PDE4B: variants seen among roughly 807,000 people sequenced by gnomAD.
PDE4B encodes the protein phosphodiesterase 4B, also known as 3',5'-cyclic-AMP phosphodiesterase 4B.
In PDE4B, 20 loss-of-function variants were observed where a neutral mutation model predicts 82.2. That is an observed-to-expected ratio of 0.24 (90% CI 0.17 to 0.35). The LOEUF (loss-of-function observed/expected upper bound fraction) is 0.35. Among genes scored for constraint, PDE4B ranks in the 10% least tolerant of loss-of-function variants. PDE4B has a pLI of 1.00. For synonymous variants in PDE4B, 320 were observed against 318.9 expected (o/e 1.00, Z -0.04); for missense variants, 655 against 907.2 (o/e 0.72, Z 3.57).
At chr1:66,199,927 A>G (rs961223208) in intron 3 of PDE4B, among the ~76,000 whole-genome samples, 1 of 152,202 alleles carries the variant, frequency 6.6e-6, no homozygotes, top group Non-Finnish European at 1.5e-5. Context: ...GCCCAGGCCT[A>G]TGTCCTGAAT....
chr1:66,132,947 T>A (rs1197461589), intron 3 of PDE4B, among the ~76,000 whole-genome samples: 3 of 152,218 alleles, frequency 2.0e-5, no homozygotes, highest in Non-Finnish European at 4.4e-5. Context: ...AGCAGTGGCA[T>A]ATCTTAGAAA....
chr1:65,984,910 TTTGA>T (rs1650877041), intron 3 of PDE4B, among the ~76,000 whole-genome samples: 1 of 140,634 alleles, frequency 7.1e-6, no homozygotes, highest in South Asian at 2.4e-4. Flanking sequence ...TTGAAGTAAA[TTTGA>T]TTAACTCTAA....
intron 1 of PDE4B, among the ~76,000 whole-genome samples, chr1:65,841,352 AAG>A (rs1316756564): frequency 6.6e-6 from 1 of 151,030 alleles, no homozygotes; most frequent in Non-Finnish European, 1.5e-5. Flanking sequence ...AAAAGGAAGA[AAG>A]AAAGAGAGAG....
chr1:66,064,797 G>A lies in PDE4B; in HGVS notation c.281+145962G>A, dbSNP rs12040843. Among the ~76,000 whole-genome samples the A allele has an allele frequency of 2.1e-3, 323 of 151,928 alleles. 8 individuals carry two copies. In the East Asian group the frequency reaches 0.045, roughly 21 times the overall value. ...GAGTGCCAACTCTTAACTATTAGTA[G>A]CATTTACTAAAAAATATTCTGAATG... On this transcript the variant is annotated intron_variant, in intron 3 of 16. Transcript: ENST00000341517.
At chr1:65,901,043 G>A (rs941818183) in intron 1 of PDE4B, among the ~76,000 whole-genome samples, 1 of 152,046 alleles carries the variant, frequency 6.6e-6, no homozygotes, top group African/African-American at 2.4e-5. Flanking sequence ...GTTCTTAAGG[G>A]GAGTGCTTCC....
At chr1:66,024,215 GATA>G (rs1324524730) in intron 3 of PDE4B, among the ~76,000 whole-genome samples, 7 of 152,142 alleles carry the variant, frequency 4.6e-5, no homozygotes, top group South Asian at 2.1e-4. Flanking sequence ...GCAAATAATA[GATA>G]AACACTATTT....
intron 3 of PDE4B, among the ~76,000 whole-genome samples, chr1:66,189,866 A>G (rs1432146018): frequency 6.6e-6 from 1 of 151,948 alleles, no homozygotes; most frequent in African/African-American, 2.4e-5. Flanking sequence ...GCTTTGTTCC[A>G]TTGCTGGTGA....
intron 7 of PDE4B, chr1:66,331,899 T>G: frequency 1.0e-5 from 10 of 989,340 alleles, no homozygotes; most frequent in Non-Finnish European, 1.2e-5. Context: ...AGGAATAGCC[T>G]ATGCCTCTTA....
At chr1:66,328,924 C>A (rs1659918101) in intron 7 of PDE4B, among the ~76,000 whole-genome samples, 1 of 152,172 alleles carries the variant, frequency 6.6e-6, no homozygotes, top group African/African-American at 2.4e-5. Flanking sequence ...CCAGCATGTC[C>A]CTGCTAAGAG....
intron 3 of PDE4B, among the ~76,000 whole-genome samples, chr1:66,057,163 G>A (rs1357609060): frequency 6.6e-6 from 1 of 152,112 alleles, no homozygotes; most frequent in Non-Finnish European, 1.5e-5. Context: ...CTTGCATAGA[G>A]GGAACTCTTT....
intron 3 of PDE4B, among the ~76,000 whole-genome samples, chr1:65,944,629 G>A (rs962276808): frequency 4.3e-4 from 65 of 151,950 alleles, no homozygotes; most frequent in African/African-American, 1.4e-3. Context: ...AAAGGAGGGG[G>A]AATGCAAAGA....
At chr1:66,249,427 A>G (rs1653579468) in intron 4 of PDE4B, among the ~76,000 whole-genome samples, 1 of 152,224 alleles carries the variant, frequency 6.6e-6, no homozygotes, top group South Asian at 2.1e-4. Context: ...AAGAATCTCA[A>G]GGTCATTCAG....
intron 1 of PDE4B, among the ~76,000 whole-genome samples, chr1:65,903,731 A>G (rs1192694645): frequency 1.3e-5 from 2 of 152,216 alleles, no homozygotes; most frequent in Non-Finnish European, 1.5e-5. Context: ...GTATTACCAC[A>G]TGAGTTTCAG....
rs1661543261 is a variant in PDE4B at position 66,348,091 on chromosome 1, A to G, written c.748-7436A>G. Among the ~76,000 whole-genome samples, 4 of 152,188 alleles carry G rather than the reference A, an allele frequency of 2.6e-5. No homozygotes were observed. In the South Asian group the frequency reaches 8.3e-4, roughly 32 times the overall value. Reference sequence around the variant, plus strand: ...TCCACAGTAAGTGTTCTGATTGCTGAAAAATACTATAAGTTGTAGAGCTTC... The same window carrying G: ...TCCACAGTAAGTGTTCTGATTGCTGGAAAATACTATAAGTTGTAGAGCTTC... On this transcript the variant is annotated intron_variant, in intron 8 of 16. Coordinates refer to ENST00000341517, the MANE Select transcript of PDE4B (RefSeq NM_002600.4).
chr1:66,070,781 A>G (rs2100926564), intron 3 of PDE4B, among the ~76,000 whole-genome samples: 1 of 152,226 alleles, frequency 6.6e-6, no homozygotes, highest in East Asian at 1.9e-4. Context: ...ATACCTGATT[A>G]AAATTGTTAT....
In PDE4B at chr1:66,314,546, G is replaced by A. The variant is rs116702955; in HGVS notation, c.635-17962G>A. On this transcript the variant is annotated intron_variant, in intron 7 of 16. Transcript: ENST00000341517. ...TCCTACCTCAGTCTACTGAGTAGCC[G>A]GGATTACAGGAACCCACCACTATGC... Among the ~76,000 whole-genome samples the A allele has an allele frequency of 4.5e-3, 677 of 152,126 alleles. 7 individuals carry two copies. The highest frequency in any genetic ancestry group is 0.015 in the African/African-American group (623 of 41,500).
At chr1:66,184,138 G>A (rs114314607) in intron 3 of PDE4B, among the ~76,000 whole-genome samples, 7 of 152,274 alleles carry the variant, frequency 4.6e-5, no homozygotes, top group Non-Finnish European at 8.8e-5. Context: ...GCCAGGGTGA[G>A]AAGTTTGTAA....
At chr1:65,919,338 G>A (rs1053563083) in intron 3 of PDE4B, among the ~76,000 whole-genome samples, 1 of 152,190 alleles carries the variant, frequency 6.6e-6, no homozygotes, top group Non-Finnish European at 1.5e-5. Context: ...ATTGCGCTAT[G>A]AGAGATGCTG....
At chr1:66,300,870 T>C (rs1332465577) in intron 7 of PDE4B, among the ~76,000 whole-genome samples, 3 of 152,180 alleles carry the variant, frequency 2.0e-5, no homozygotes, top group Non-Finnish European at 4.4e-5. Flanking sequence ...AGATGGCCTA[T>C]TCTCTGTTTT....
Sources: gnomAD v4.1 joint callset for allele counts (sites outside exome capture counted in the v4.1 genomes callset) on GRCh38, gnomAD v4.1.1 for gene constraint, MANE v1.5 for transcripts, NCBI Gene and HGNC (gene_info 2026-07-23, HGNC 2026-07-21) for gene names.